The following ABCC2 variants were observed in gnomAD, a reference collection of about 807,000 sequenced individuals.
The protein encoded by ABCC2 is ATP-binding cassette sub-family C member 2.
ABCC2 carries 157 observed loss-of-function variants against 173.4 expected under a neutral mutation model. The ratio of observed to expected loss-of-function variants is 0.91; its 90% CI spans 0.80 to 1.03. The LOEUF (loss-of-function observed/expected upper bound fraction) is 1.03. Ranked by LOEUF, ABCC2 falls within the 50% of genes least tolerant of loss-of-function variation. The probability of loss-of-function intolerance (pLI) is 0.00; values close to 1 mark genes in which losing one functional copy is unlikely to be tolerated. For missense variants in ABCC2, 1,822 were observed against 1,852.3 expected (o/e 0.98, Z 0.30); for synonymous variants, 657 against 693.5 (o/e 0.95, Z 0.83).
intron 30 of ABCC2, 94 bp from the exon 31 acceptor site, chr10:99,850,508 G>C: frequency 7.7e-7 from 1 of 1,298,912 alleles, no homozygotes; most frequent in Non-Finnish European, 1.1e-6. Flanking sequence ...GGGGGGTTTT[G>C]AAAGTCTGAT....
intron 30 of ABCC2, among the ~76,000 whole-genome samples, chr10:99,850,324 G>C (rs2039070732): frequency 6.6e-6 from 1 of 152,176 alleles, no homozygotes; most frequent in South Asian, 2.1e-4. Flanking sequence ...TAGTAAAAAG[G>C]CACCTTCCTA....
chr10:99,812,359 G>A (rs1208741502), intron 15 of ABCC2, among the ~76,000 whole-genome samples: 6 of 152,146 alleles, frequency 3.9e-5, no homozygotes, highest in Admixed American at 2.0e-4. Context: ...ACCTCAATGC[G>A]CAGATTCAGA....
In ABCC2 at chr10:99,830,865, AG is replaced by A. The variant is rs767370761; in HGVS notation, c.2883+15del. ...GAAACTGGAAAGGTGAACACCACACAGAAAAGTAGCATTTGAGGTGTTATAA... is the reference window on the plus strand; with the variant it reads ...GAAACTGGAAAGGTGAACACCACACAAAAAGTAGCATTTGAGGTGTTATAA... On this transcript the variant is annotated intron_variant, in intron 21 of 31. Coordinates refer to ENST00000647814, the MANE Select transcript of ABCC2 (RefSeq NM_000392.5). The A allele has an allele frequency of 8.1e-6, 13 of 1,613,620 alleles. No individual in the cohort carries two copies. Among genetic ancestry groups the A allele is most frequent in the Non-Finnish European group, 1.1e-5 (13 of 1,179,940 alleles).
chr10:99,820,973 C>G (rs1030639473), intron 19 of ABCC2, among the ~76,000 whole-genome samples: 18 of 152,076 alleles, frequency 1.2e-4, no homozygotes, highest in Admixed American at 2.0e-4. Flanking sequence ...CCTCTGAGTT[C>G]CCTTAGTATT....
chr10:99,851,141 C>G (rs2039083416), intron 31 of ABCC2, among the ~76,000 whole-genome samples: 1 of 152,182 alleles, frequency 6.6e-6, no homozygotes, highest in Non-Finnish European at 1.5e-5. Context: ...TGTAAAACAG[C>G]CAGAAGCTTT....
Position 99,850,723 on chromosome 10 carries a change from A to G in ABCC2, c.4435A>G (p.Ile1479Val). ...LETDNLIQTT[I>V]QNEFAHCTVI... ...GACAGACAACCTCATTCAGACGACC[A>G]TCCAAAACGAGTTCGCCCACTGCAC... Residue 1479 changes from isoleucine (I) to valine (V), a missense_variant, in exon 31 of 32, where the codon ATC (isoleucine) becomes GTC (valine). Ile to Val is a conservative substitution (Grantham distance 29). Coordinates refer to ENST00000647814, the MANE Select transcript of ABCC2 (RefSeq NM_000392.5). 6.2e-7 allele frequency: 1 copy of G among 1,614,214 alleles called. No homozygotes were observed. The highest frequency in any genetic ancestry group is 8.5e-7 in the Non-Finnish European group (1 of 1,180,042).
chr10:99,830,593 G>A, intron 20 of ABCC2, 123 bp from the exon 21 acceptor site: 4 of 1,568,006 alleles, frequency 2.6e-6, no homozygotes, highest in Non-Finnish European at 3.5e-6. Flanking sequence ...TCGGGGTTGT[G>A]TCAGTTTCCC....
intron 16 of ABCC2, 127 bp from the exon 17 acceptor site, chr10:99,817,181 G>A: frequency 1.2e-6 from 1 of 830,918 alleles, no homozygotes; most frequent in Non-Finnish European, 2.0e-6. Flanking sequence ...CAGATCCTCA[G>A]TCATCCTGAT....
intron 19 of ABCC2, among the ~76,000 whole-genome samples, chr10:99,829,391 G>A (rs1369360512): frequency 6.6e-5 from 10 of 152,158 alleles, no homozygotes; most frequent in Non-Finnish European, 1.0e-4. Context: ...AAACACAAAT[G>A]CTCCTGGGAT....
chr10:99,804,245 T>C lies in ABCC2; in HGVS notation c.1436T>C (p.Ile479Thr). The C allele has an allele frequency of 3.1e-6, 5 of 1,614,162 alleles. No individual in the cohort carries two copies. Among genetic ancestry groups the C allele is most frequent in the Non-Finnish European group, 3.4e-6 (4 of 1,180,008 alleles). The change falls in exon 10 of 32, where the codon ATA (isoleucine) becomes ACA (threonine). Residue 479 changes from isoleucine (I) to threonine (T), a missense_variant. Ile to Thr is a moderately conservative substitution (Grantham distance 89, BLOSUM62 -1). Transcript: ENST00000647814. The stretch of plus-strand genomic sequence containing the variant: ...GTGCTTGTAATCCCAATTAATGCGA[T>C]ACTGTCCACCAAGAGTAAGACCATT... ...VMVLVIPINA[I>T]LSTKSKTIQV...
chr10:99,836,354 C>T (rs1278209930), intron 25 of ABCC2, 64 bp downstream of exon 25: 12 of 1,537,720 alleles, frequency 7.8e-6, no homozygotes, highest in South Asian at 4.5e-5. Context: ...TTGATATTAG[C>T]GGTGGGAGGG....
At chr10:99,795,402 C>T (rs1344612795) in intron 6 of ABCC2, among the ~76,000 whole-genome samples, 1 of 152,012 alleles carries the variant, frequency 6.6e-6, no homozygotes, top group Non-Finnish European at 1.5e-5. Context: ...GCTATGAGAA[C>T]ATGTGGGATT....
At chr10:99,791,625 G>A (rs185893793) in intron 2 of ABCC2, among the ~76,000 whole-genome samples, 72 of 152,290 alleles carry the variant, frequency 4.7e-4, no homozygotes, top group African/African-American at 1.5e-3. Context: ...GCTGTCTGGG[G>A]TTACTGGCAT....
chr10:99,800,403 CA>C lies in ABCC2; in HGVS notation c.1051del (p.Ser351ValfsTer40). ...PQLLKLLISF[A>X]SDRDTYLWIG... Reference sequence around the variant, plus strand: ...TCTGGCAGATTGCTGATCTCCTTTGCAAGTGACCGTGACACATATTTGTGGA... The same window carrying C: ...TCTGGCAGATTGCTGATCTCCTTTGCAGTGACCGTGACACATATTTGTGGA... On this transcript the variant is annotated frameshift_variant, in exon 9 of 32. Transcript: ENST00000647814. LOFTEE classifies it high-confidence loss of function. 1 of 1,614,162 alleles carries C rather than the reference CA, an allele frequency of 6.2e-7. No homozygotes were observed. The highest frequency in any genetic ancestry group is 8.5e-7 in the Non-Finnish European group (1 of 1,180,032).
At chr10:99,811,268 G>A (rs568274582) in intron 14 of ABCC2, among the ~76,000 whole-genome samples, 16 of 151,876 alleles carry the variant, frequency 1.1e-4, no homozygotes, top group Non-Finnish European at 1.9e-4. Context: ...AAGTCAAGGC[G>A]GCAGTCAGCC....
In ABCC2 at chr10:99,814,271, ACACACG is replaced by A. The variant is rs1564684189; in HGVS notation, c.2094+1128_2094+1133del. Among the ~76,000 whole-genome samples, 28 of 29,238 alleles carry A rather than the reference ACACACG, an allele frequency of 9.6e-4. 4 individuals carry two copies. Among genetic ancestry groups the A allele is most frequent in the African/African-American group, 3.4e-3 (25 of 7,348 alleles). The allele number at this position is 29,238 out of a possible 152,430, so 19.2% of individuals were successfully genotyped here. Reference sequence around the variant, plus strand: ...CACGTATGTATACACACGTATGTATACACACGTATGTATACACACACGTATGTATAC... The same window carrying A: ...CACGTATGTATACACACGTATGTATATATGTATACACACACGTATGTATAC... On this transcript the variant is annotated intron_variant, in intron 16 of 31. Coordinates refer to ENST00000647814, the MANE Select transcript of ABCC2 (RefSeq NM_000392.5).
At chr10:99,841,946 T>C (rs752043759) in intron 25 of ABCC2, 21 bp from the exon 26 acceptor site, 4 of 1,614,116 alleles carry the variant, frequency 2.5e-6, no homozygotes, top group South Asian at 2.2e-5. Flanking sequence ...ACACGCACTC[T>C]CTGGTTCTGT....
At chr10:99,813,773 C>A (rs889763391) in intron 16 of ABCC2, among the ~76,000 whole-genome samples, 1 of 151,698 alleles carries the variant, frequency 6.6e-6, no homozygotes, top group Non-Finnish European at 1.5e-5. Context: ...AATCATGCAT[C>A]CTGCAAAACT....
At position 99,830,417 on chromosome 10, in the gene ABCC2, C is replaced by T. The variant is rs756825916; in HGVS notation, c.2731C>T (p.Arg911Ter). 1.4e-5 allele frequency: 22 copies of T among 1,614,104 alleles called. No homozygotes were observed. The highest frequency in any genetic ancestry group is 5.3e-5 in the African/African-American group (4 of 74,930). ...CATGAGAAGAGAGAACAGCTTTCGT[C>T]GAACACTTAGCCGCAGGTTGGCTAT... ...ITMRRENSFR[R>*]TLSRSSRSNG... Residue 911 changes from arginine to a stop codon, truncating the protein, a stop_gained, in exon 20 of 32, where the codon CGA (arginine) becomes TGA (stop). Transcript: ENST00000647814. LOFTEE classifies it high-confidence loss of function.
Sources: allele counts gnomAD v4.1 joint callset (sites outside exome capture counted in the v4.1 genomes callset), GRCh38; gene constraint gnomAD v4.1.1; transcripts MANE v1.5; gene names NCBI Gene and HGNC (gene_info 2026-07-23, HGNC 2026-07-21).